ANKAR: variants seen among roughly 807,000 people sequenced by gnomAD.
ANKAR encodes the protein ankyrin and armadillo repeat containing.
A neutral mutation model predicts 146.2 loss-of-function variants in ANKAR; 136 were observed. That is an observed-to-expected ratio of 0.93 (90% CI 0.81 to 1.07). The LOEUF (loss-of-function observed/expected upper bound fraction) is 1.07, where lower values mean the gene tolerates loss of function less well. ANKAR is among the 50% of genes least tolerant of loss of function. The pLI, the probability that ANKAR is intolerant of heterozygous loss-of-function variation, is 0.00. For synonymous variants in ANKAR, 500 were observed against 575.8 expected, an observed-to-expected ratio of 0.87 and a Z score of 1.88; for missense variants, 1,567 against 1,679.9, an observed-to-expected ratio of 0.93 and a Z score of 1.18.
At chr2:189,699,040 C>T (rs1273251803) in intron 7 of ANKAR, among the ~76,000 whole-genome samples, 6 of 152,148 alleles carry the variant, frequency 3.9e-5, no homozygotes, top group Admixed American at 6.5e-5. Flanking sequence ...ATATAAAGCT[C>T]CATAAAGGAC....
intron 6 of ANKAR, among the ~76,000 whole-genome samples, chr2:189,695,632 G>T (rs2054047129): frequency 6.6e-6 from 1 of 152,168 alleles, no homozygotes; most frequent in Non-Finnish European, 1.5e-5. Flanking sequence ...TTGAAGTACA[G>T]CTTCTGGAAC....
intron 10 of ANKAR, among the ~76,000 whole-genome samples, chr2:189,715,015 T>C (rs1340211558): frequency 7.2e-6 from 1 of 138,832 alleles, no homozygotes; most frequent in African/African-American, 2.6e-5. Flanking sequence ...CACCCTAACA[T>C]CACAATTAAA....
rs535907325 is a variant in ANKAR at position 189,723,974 on chromosome 2, C to G, written c.2635+3187C>G. On this transcript the variant is annotated intron_variant, in intron 12 of 22. Transcript: ENST00000684021. ...AGGAATCAAATAAAGATCAAAACTT[C>G]AGCATTATTGTTGGAAAGCTTGCTT... Among the ~76,000 whole-genome samples the G allele has an allele frequency of 7.9e-5, 12 of 152,274 alleles. No individual in the cohort carries two copies. The South Asian group carries it at 1.2e-3, about 16-fold the overall frequency.
rs1285784711 is a variant in ANKAR at position 189,754,985 on chromosome 2, TAAGA to T, written c.*585-6109_*585-6106del. 1.5e-5 allele frequency: 10 copies of T among 653,616 alleles called. No homozygotes were observed. The East Asian group carries it at 2.1e-4, about 13-fold the overall frequency. The allele number at this position is 653,616 out of a possible 1,614,324, so 40.5% of individuals were successfully genotyped here. ...AGATATGAACCTCTTACCATTTTATTAAGAAAGGCTAAGAATTATAAAATTGTGT... is the reference window on the plus strand; with the variant it reads ...AGATATGAACCTCTTACCATTTTATTAAGGCTAAGAATTATAAAATTGTGT... On this transcript the variant is annotated intron_variant and NMD_transcript_variant, in intron 18 of 18. Coordinates refer to the ANKAR transcript ENST00000441800.
downstream of ANKAR, chr2:189,761,366 A>G: frequency 1.9e-6 from 3 of 1,543,108 alleles, no homozygotes; most frequent in South Asian, 3.8e-5. Context: ...AATACAAAAG[A>G]ATGATTTTAC....
intron 17 of ANKAR, among the ~76,000 whole-genome samples, chr2:189,734,985 T>TAC (rs1553532665): frequency 1.4e-4 from 21 of 150,362 alleles, no homozygotes; most frequent in East Asian, 1.9e-4. Context: ...TATATATATA[T>TAC]ATATATTTAC....
At chr2:189,714,249 G>A (rs1403000098) in intron 10 of ANKAR, among the ~76,000 whole-genome samples, 4 of 152,090 alleles carry the variant, frequency 2.6e-5, no homozygotes, top group African/African-American at 9.7e-5. Context: ...ACTCAGCTCT[G>A]GACCAAACAG....
At chr2:189,719,544 T>C in intron 10 of ANKAR, 28 bp from the exon 11 acceptor site, 1 of 1,551,492 alleles carries the variant, frequency 6.4e-7, no homozygotes, top group Non-Finnish European at 8.8e-7. Flanking sequence ...ATTCATGCTT[T>C]TTAATTTTTT....
Position 189,707,108 on chromosome 2 carries a change from T to G in ANKAR, c.2081T>G (p.Leu694Ter). ...GAGGTTCTCAAATATATAATAAAAT[T>G]AAATATTCCTGAACTCCCAGTGTGG... ...HTEVLKYIIK[L>*]NIPELPVWKT... Residue 694 changes from leucine to a stop codon, truncating the protein, a stop_gained, in exon 9 of 23, where the codon TTA (leucine) becomes TGA (stop). Coordinates refer to ENST00000684021, the MANE Select transcript of ANKAR (RefSeq NM_001378068.1). LOFTEE classifies it high-confidence loss of function. 1 of 1,572,888 alleles carries G rather than the reference T, an allele frequency of 6.4e-7. No individual in the cohort carries two copies. The highest frequency in any genetic ancestry group is 8.6e-7 in the Non-Finnish European group (1 of 1,159,246).
At chr2:189,718,397 G>T (rs1017479668) in intron 10 of ANKAR, among the ~76,000 whole-genome samples, 23 of 151,682 alleles carry the variant, frequency 1.5e-4, no homozygotes, top group Middle Eastern at 3.4e-3. Context: ...CACACACAAA[G>T]AAAATGTTCT....
intron 10 of ANKAR, among the ~76,000 whole-genome samples, chr2:189,712,531 T>A (rs2039849302): frequency 6.6e-6 from 1 of 152,218 alleles, no homozygotes; most frequent in Non-Finnish European, 1.5e-5. Context: ...CTGAGGGACC[T>A]GACTGTTAGA....
chr2:189,712,481 G>T (rs920670003), intron 10 of ANKAR, among the ~76,000 whole-genome samples: 1 of 152,194 alleles, frequency 6.6e-6, no homozygotes, highest in African/African-American at 2.4e-5. Flanking sequence ...GGCAAACAGG[G>T]TCTGGAGTGG....
rs1251467388 is a variant in ANKAR, at chr2:189,696,375, A to G, written c.1708+6A>G. 19 of 1,605,610 alleles carry G rather than the reference A, an allele frequency of 1.2e-5. No individual in the cohort carries two copies. Among genetic ancestry groups the G allele is most frequent in the Non-Finnish European group, 1.5e-5 (18 of 1,177,152 alleles). ...CTTTGTTACGTTCAGCCAAGGTACC[A>G]TAAAGTTTTTTAACCTAAAATGTTG... On this transcript the variant is annotated splice_donor_region_variant and intron_variant, in intron 7 of 22. Transcript: ENST00000684021.
chr2:189,706,978 G>T lies in ANKAR; in HGVS notation c.1951G>T (p.Ala651Ser). The T allele has an allele frequency of 6.2e-7, 1 of 1,613,406 alleles. No individual in the cohort carries two copies. The highest frequency in any genetic ancestry group is 1.1e-5 in the South Asian group (1 of 90,856). ...TPLLLAATSGALDTIQYLFSI... is the reference protein window; with the variant it reads ...TPLLLAATSGSLDTIQYLFSI... ...ACTGTTACTTGCTGCCACTTCAGGA[G>T]CACTGGACACTATTCAATACCTGTT... Residue 651 changes from alanine to serine, a missense_variant, in exon 9 of 23, where the codon GCA becomes TCA. Transcript: ENST00000684021.
intron 9 of ANKAR, among the ~76,000 whole-genome samples, chr2:189,710,746 G>C (rs1163678473): frequency 6.6e-6 from 1 of 152,186 alleles, no homozygotes; most frequent in Non-Finnish European, 1.5e-5. Flanking sequence ...AGGCTGCAGT[G>C]AGCTGTGATC....
At chr2:189,758,996 T>C (rs1559174184) in intron 18 of ANKAR, among the ~76,000 whole-genome samples, 1 of 152,200 alleles carries the variant, frequency 6.6e-6, no homozygotes, top group Non-Finnish European at 1.5e-5. Flanking sequence ...GTAATAATAG[T>C]TACTGTCTGC....
rs751110811 is a variant in ANKAR at position 189,746,066 on chromosome 2, TTCAA to T, written c.4058-312_4058-309del. On this transcript the variant is annotated intron_variant, in intron 22 of 22. Coordinates refer to ENST00000684021, the MANE Select transcript of ANKAR (RefSeq NM_001378068.1). ...CACGTTTCTGATAAAATTAATTTCA[TTCAA>T]TATCAAGTCCATCATTTTGAGATAA... is the stretch of plus-strand genomic sequence containing the variant. Among the ~76,000 whole-genome samples, 4 of 152,214 alleles carry T rather than the reference TTCAA, an allele frequency of 2.6e-5. No individual in the cohort carries two copies. In the South Asian group the frequency reaches 8.3e-4, roughly 32 times the overall value.
intron 3 of ANKAR, among the ~76,000 whole-genome samples, chr2:189,691,350 C>T (rs975876079): frequency 1.3e-5 from 2 of 152,118 alleles, no homozygotes; most frequent in African/African-American, 4.8e-5. Context: ...GCCGCCGCGC[C>T]CGGGAGAGAA....
chr2:189,695,720 A>G (rs1422916527), intron 6 of ANKAR, among the ~76,000 whole-genome samples: 1 of 152,234 alleles, frequency 6.6e-6, no homozygotes, highest in East Asian at 1.9e-4. Flanking sequence ...TCCACAAATT[A>G]AAACCTCAAA....
Sources: gnomAD v4.1 joint callset for allele counts (sites outside exome capture counted in the v4.1 genomes callset) on GRCh38, gnomAD v4.1.1 for gene constraint, MANE v1.5 for transcripts, NCBI Gene and HGNC (gene_info 2026-07-23, HGNC 2026-07-21) for gene names.